Variants in NYAP1 observed in about 807,000 individuals in gnomAD.
The protein encoded by NYAP1 is neuronal tyrosine-phosphorylated phosphoinositide-3-kinase adapter 1.
NYAP1 carries 20 observed loss-of-function variants against 58.6 expected under a neutral mutation model. The observed-to-expected ratio is 0.34, with a 90% CI of 0.24 to 0.50. NYAP1 has a LOEUF of 0.50. NYAP1 is among the 20% of genes least tolerant of loss of function. The pLI is 0.98. For missense variants in NYAP1, 1,150 were observed against 1,194.5 expected, an observed-to-expected ratio of 0.96 and a Z score of 0.55; for synonymous variants, 572 against 523.1, an observed-to-expected ratio of 1.09 and a Z score of -1.27.
rs1383033722 is a variant in NYAP1, at chr7:100,486,970, C to T, written c.218C>T (p.Pro73Leu). ...MPASQEHTPH[P>L]CRSAMAPRSL... ...GCCTCCCAGGAGCACACCCCGCACCCCTGCCGCAGCGCCATGGCCCCACGC... is the reference window on the plus strand; with the variant it reads ...GCCTCCCAGGAGCACACCCCGCACCTCTGCCGCAGCGCCATGGCCCCACGC... Residue 73 changes from proline (P) to leucine (L), a missense_variant, in exon 3 of 7, where the codon CCC (proline) becomes CTC (leucine). By Grantham distance (98) the Pro-to-Leu change is moderately conservative. Transcript: ENST00000300179. The surrounding 1 kb of genome is among the most constrained non-coding windows in gnomAD (Gnocchi z 6.2). The T allele has an allele frequency of 6.2e-7, 1 of 1,607,120 alleles. No homozygotes were observed. The highest frequency in any genetic ancestry group is 1.3e-5 in the African/African-American group (1 of 74,892).
At position 100,485,179 on chromosome 7, in the gene NYAP1, C is replaced by T; in HGVS notation, c.-84-49C>T. ...CTCTTTCATTCATCCCTGGCCCCCACCCATCCCACCTTTCTTTTTTTTCCG... is the reference window on the plus strand; with the variant it reads ...CTCTTTCATTCATCCCTGGCCCCCATCCATCCCACCTTTCTTTTTTTTCCG... On this transcript the variant is annotated intron_variant, in intron 1 of 6. Coordinates refer to ENST00000300179, the MANE Select transcript of NYAP1 (RefSeq NM_173564.4). The surrounding 1 kb of genome is among the most constrained non-coding windows in gnomAD (Gnocchi z 5.7). 2 of 611,982 alleles carry T rather than the reference C, an allele frequency of 3.3e-6. No individual in the cohort carries two copies. Among genetic ancestry groups the T allele is most frequent in the Non-Finnish European group, 6.0e-6 (2 of 336,038 alleles). 37.9% of individuals were successfully genotyped at this position (611,982 alleles called of 1,614,324 possible).
rs367729037 is a variant in NYAP1 at position 100,485,415 on chromosome 7, G to C, written c.68+36G>C. 1.4e-5 allele frequency: 21 copies of C among 1,514,918 alleles called. No individual in the cohort carries two copies. In the East Asian group the frequency reaches 1.4e-4, roughly 10 times the overall value. The allele number at this position is 1,514,918 out of a possible 1,614,324, so 93.8% of individuals were successfully genotyped here. ...ACCCCAGACTGCTCCCTTCCCTTCC[G>C]CACCTCTGCCTGCCCCCTCACTGGG... is the stretch of plus-strand genomic sequence containing the variant. On this transcript the variant is annotated intron_variant, in intron 2 of 6. Transcript: ENST00000300179. The surrounding 1 kb of genome is among the most constrained non-coding windows in gnomAD (Gnocchi z 5.7).
Position 100,493,973 on chromosome 7 carries a change from T to A in NYAP1, c.*70T>A. Reference sequence around the variant, plus strand: ...GGCACGCCTGGCTCTCCCGGGAGCCTCGCCTTGAGAGACATTGAAAGACTA... The same window carrying A: ...GGCACGCCTGGCTCTCCCGGGAGCCACGCCTTGAGAGACATTGAAAGACTA... On this transcript the variant is annotated 3_prime_UTR_variant, in exon 7 of 7. Transcript: ENST00000300179. The A allele has an allele frequency of 1.6e-6, 2 of 1,287,026 alleles. No individual in the cohort carries two copies. Among genetic ancestry groups the A allele is most frequent in the Non-Finnish European group, 2.0e-6 (2 of 979,438 alleles). The allele number at this position is 1,287,026 out of a possible 1,614,324, so 79.7% of individuals were successfully genotyped here. A position where few individuals can be genotyped will look rare whatever the true frequency, so the allele number is the denominator to read the frequency against.
At chr7:100,491,994 C>G (rs1799801924) in intron 6 of NYAP1, among the ~76,000 whole-genome samples, 1 of 152,122 alleles carries the variant, frequency 6.6e-6, no homozygotes, top group African/African-American at 2.4e-5. Flanking sequence ...TTGCAGTAAG[C>G]CAAGATCGCA....
In NYAP1 at chr7:100,493,725, T is replaced by C; in HGVS notation, c.2348T>C (p.Ile783Thr). ...RERDGKLLEVIERKRCVCKEI... is the reference protein window; with the variant it reads ...RERDGKLLEVTERKRCVCKEI... ...CGTGACGGGAAGCTGCTGGAGGTGA[T>C]CGAGCGCAAGCGCTGCGTGTGCAAG... Residue 783 changes from isoleucine to threonine, a missense_variant, in exon 7 of 7, where the codon ATC becomes ACC. Ile to Thr is a moderately conservative substitution (Grantham distance 89). Transcript: ENST00000300179. The C allele has an allele frequency of 6.2e-7, 1 of 1,602,498 alleles. No individual in the cohort carries two copies. The highest frequency in any genetic ancestry group is 8.5e-7 in the Non-Finnish European group (1 of 1,177,524).
chr7:100,485,462 G>A lies in NYAP1; in HGVS notation c.68+83G>A, dbSNP rs182682610. On this transcript the variant is annotated intron_variant, in intron 2 of 6. Transcript: ENST00000300179. This position sits in a 1 kb window ranked among gnomAD's most constrained non-coding sequence, Gnocchi z 5.7. ...TGGGCCACAGCCCTTCTCGGGGGCC[G>A]GCAGCCTTGTCATGAGTGAGCTCTC... 1.3e-3 allele frequency: 1,427 copies of A among 1,084,796 alleles called. 10 individuals are homozygous for A. The African/African-American group carries it at 0.019, about 14-fold the overall frequency. The allele number at this position is 1,084,796 out of a possible 1,614,324, so 67.2% of individuals were successfully genotyped here. A position where few individuals can be genotyped will look rare whatever the true frequency, so the allele number is the denominator to read the frequency against.
In NYAP1 at chr7:100,488,956, C is replaced by T. The variant is rs1045240951; in HGVS notation, c.1235C>T (p.Pro412Leu). 1 of 1,573,778 alleles carries T rather than the reference C, an allele frequency of 6.4e-7. No individual in the cohort carries two copies. Among genetic ancestry groups the T allele is most frequent in the Non-Finnish European group, 8.6e-7 (1 of 1,167,200 alleles). Reference protein sequence around the residue: ...RARSHSTPLPPQGSGQPRGER... With the variant: ...RARSHSTPLPLQGSGQPRGER... ...CGGAGCCACTCGACACCGTTGCCAC[C>T]CCAGGGCTCTGGCCAGCCCCGGGGG... Residue 412 changes from proline (P) to leucine (L), a missense_variant, in exon 4 of 7, where the codon CCC (proline) becomes CTC (leucine). Pro to Leu is a moderately conservative substitution (Grantham distance 98). Coordinates refer to ENST00000300179, the MANE Select transcript of NYAP1 (RefSeq NM_173564.4). This position sits in a 1 kb window ranked among gnomAD's most constrained non-coding sequence, Gnocchi z 5.9.
In NYAP1 at chr7:100,493,729, G is replaced by C. The variant is rs773113773; in HGVS notation, c.2352G>C (p.Glu784Asp). 6.2e-7 allele frequency: 1 copy of C among 1,603,352 alleles called. No homozygotes were observed. The highest frequency in any genetic ancestry group is 8.5e-7 in the Non-Finnish European group (1 of 1,177,852). ...ACGGGAAGCTGCTGGAGGTGATCGA[G>C]CGCAAGCGCTGCGTGTGCAAGGAGA... ...ERDGKLLEVI[E>D]RKRCVCKEIK... The change falls in exon 7 of 7, where the codon GAG (glutamate) becomes GAC (aspartate). Residue 784 changes from glutamate (E) to aspartate (D), a missense_variant. Transcript: ENST00000300179.
chr7:100,488,918 A>G lies in NYAP1; in HGVS notation c.1197A>G (p.Pro399=), dbSNP rs1799746567. ...CTGCCAACCTGCTGCTGCTGGGACC[A>G]TCGGGCCGGGCCCGGAGCCACTCGA... ...PPAANLLLLG[P]SGRARSHSTP... The change falls in exon 4 of 7, where the codon CCA becomes CCG. Residue 399 remains proline (P), a synonymous_variant. Transcript: ENST00000300179. The surrounding 1 kb of genome is among the most constrained non-coding windows in gnomAD (Gnocchi z 5.9). 6.3e-7 allele frequency: 1 copy of G among 1,587,026 alleles called. No individual in the cohort carries two copies. The highest frequency in any genetic ancestry group is 8.5e-7 in the Non-Finnish European group (1 of 1,171,400).
At position 100,488,950 on chromosome 7, in the gene NYAP1, T is replaced by C; in HGVS notation, c.1229T>C (p.Leu410Ser). The change falls in exon 4 of 7, where the codon TTG becomes TCG. Residue 410 changes from leucine (L) to serine (S), a missense_variant. Leu to Ser is a moderately radical substitution (Grantham distance 145). Transcript: ENST00000300179. The surrounding 1 kb of genome is among the most constrained non-coding windows in gnomAD (Gnocchi z 5.9). ...SGRARSHSTP[L>S]PPQGSGQPRG... ...CGGGCCCGGAGCCACTCGACACCGT[T>C]GCCACCCCAGGGCTCTGGCCAGCCC... The C allele has an allele frequency of 6.4e-7, 1 of 1,571,382 alleles. No individual in the cohort carries two copies. Among genetic ancestry groups the C allele is most frequent in the South Asian group, 1.2e-5 (1 of 86,214 alleles).
chr7:100,490,483 T>A lies in NYAP1; in HGVS notation c.1946-34T>A. The A allele has an allele frequency of 6.5e-7, 1 of 1,549,904 alleles. No homozygotes were observed. Among genetic ancestry groups the A allele is most frequent in the Non-Finnish European group, 8.7e-7 (1 of 1,142,994 alleles). ...GAGGGACAGAATGACGCCTCCAACA[T>A]GCAGGCACACAGCTCTCCTTGTCAT... On this transcript the variant is annotated intron_variant, in intron 4 of 6. Coordinates refer to ENST00000300179, the MANE Select transcript of NYAP1 (RefSeq NM_173564.4). The surrounding 1 kb of genome is among the most constrained non-coding windows in gnomAD (Gnocchi z 4.6).
In NYAP1 at chr7:100,487,195, C is replaced by G. The variant is rs765800967; in HGVS notation, c.430+13C>G. On this transcript the variant is annotated intron_variant, in intron 3 of 6. Transcript: ENST00000300179. This position sits in a 1 kb window ranked among gnomAD's most constrained non-coding sequence, Gnocchi z 4.1. ...AGCAAGAAAGCAGGTGAGATACCCC[C>G]TATCTCTCCCTGGGGTGGAGCTGGG... The G allele has an allele frequency of 1.3e-5, 19 of 1,481,128 alleles. No individual in the cohort carries two copies. Among genetic ancestry groups the G allele is most frequent in the Non-Finnish European group, 1.6e-5 (18 of 1,116,904 alleles). 91.7% of individuals were successfully genotyped at this position (1,481,128 alleles called of 1,614,324 possible).
In NYAP1 at chr7:100,491,142, G is replaced by A. The variant is rs369944179; in HGVS notation, c.2268+47G>A. On this transcript the variant is annotated intron_variant, in intron 6 of 6. Coordinates refer to ENST00000300179, the MANE Select transcript of NYAP1 (RefSeq NM_173564.4). ...ATTTGTGAAGGAGCAGGTGGAGAAG[G>A]CTTGAATATGCAAAGAAAAGCAATA... The A allele has an allele frequency of 6.5e-5, 79 of 1,216,352 alleles. No homozygotes were observed. The Middle Eastern group carries it at 7.6e-4, about 12-fold the overall frequency. The allele number at this position is 1,216,352 out of a possible 1,614,324, so 75.3% of individuals were successfully genotyped here.
rs1205108866 is a variant in NYAP1 at position 100,490,186 on chromosome 7, G to T, written c.1946-331G>T. 6.6e-6 allele frequency among the ~76,000 whole-genome samples: 1 copy of T among 152,158 alleles called. No homozygotes were observed. The highest frequency in any genetic ancestry group is 2.4e-5 in the African/African-American group (1 of 41,422). Reference sequence around the variant, plus strand: ...CTCCCCCTACAGGTCTTGATCCCAGGGGGATGGTCATTCTCGCCCTATCTG... The same window carrying T: ...CTCCCCCTACAGGTCTTGATCCCAGTGGGATGGTCATTCTCGCCCTATCTG... On this transcript the variant is annotated intron_variant, in intron 4 of 6. Transcript: ENST00000300179. This position sits in a 1 kb window ranked among gnomAD's most constrained non-coding sequence, Gnocchi z 4.6.
chr7:100,484,744 T>A (rs1045742893), intron 1 of NYAP1, among the ~76,000 whole-genome samples: 3 of 152,072 alleles, frequency 2.0e-5, no homozygotes, highest in Non-Finnish European at 4.4e-5. Context: ...TGTGTCCAGT[T>A]CTGTGTAGCA....
At position 100,489,130 on chromosome 7, in the gene NYAP1, C is replaced by T; in HGVS notation, c.1409C>T (p.Thr470Ile). ...YTMVYSAVKV[T>I]THSVLPAGPP... ...ATGGTGTACTCGGCGGTCAAGGTGA[C>T]CACGCACTCTGTCCTGCCAGCTGGT... Residue 470 changes from threonine to isoleucine, a missense_variant, in exon 4 of 7, where the codon ACC becomes ATC. Coordinates refer to ENST00000300179, the MANE Select transcript of NYAP1 (RefSeq NM_173564.4). 1 of 1,603,392 alleles carries T rather than the reference C, an allele frequency of 6.2e-7. No individual in the cohort carries two copies. Among genetic ancestry groups the T allele is most frequent in the Non-Finnish European group, 8.5e-7 (1 of 1,175,648 alleles).
chr7:100,494,464 C>T lies in NYAP1; in HGVS notation c.*561C>T, dbSNP rs1490085867. ...TGCCTAAAGGCCCCGCCGTCCATGCCACCCCACAGCCAAGGAGGGGTCTGC... is the reference window on the plus strand; with the variant it reads ...TGCCTAAAGGCCCCGCCGTCCATGCTACCCCACAGCCAAGGAGGGGTCTGC... On this transcript the variant is annotated 3_prime_UTR_variant, in exon 7 of 7. Transcript: ENST00000300179. 2.6e-5 allele frequency: 4 copies of T among 152,468 alleles called. No homozygotes were observed. Among genetic ancestry groups the T allele is most frequent in the African/African-American group, 7.3e-5 (3 of 41,326 alleles). The allele number at this position is 152,468 out of a possible 1,614,324, so 9.4% of individuals were successfully genotyped here.
Position 100,488,125 on chromosome 7 carries a change from T to G in NYAP1, c.431-27T>G. On this transcript the variant is annotated intron_variant, in intron 3 of 6. Coordinates refer to ENST00000300179, the MANE Select transcript of NYAP1 (RefSeq NM_173564.4). The surrounding 1 kb of genome is among the most constrained non-coding windows in gnomAD (Gnocchi z 5.9). Reference sequence around the variant, plus strand: ...TGCTCCCCTCATTAAAAGCCTGGTTTATTTTTCTCTTTCTTGTCCTGTCCA... The same window carrying G: ...TGCTCCCCTCATTAAAAGCCTGGTTGATTTTTCTCTTTCTTGTCCTGTCCA... 6.6e-7 allele frequency: 1 copy of G among 1,526,254 alleles called. No individual in the cohort carries two copies. Among genetic ancestry groups the G allele is most frequent in the Non-Finnish European group, 8.8e-7 (1 of 1,137,202 alleles). The allele number at this position is 1,526,254 out of a possible 1,614,324, so 94.5% of individuals were successfully genotyped here. A position where few individuals can be genotyped will look rare whatever the true frequency, so the allele number is the denominator to read the frequency against.
chr7:100,488,251 A>G lies in NYAP1; in HGVS notation c.530A>G (p.Asp177Gly). The G allele has an allele frequency of 6.2e-7, 1 of 1,613,884 alleles. No individual in the cohort carries two copies. Among genetic ancestry groups the G allele is most frequent in the Non-Finnish European group, 8.5e-7 (1 of 1,179,906 alleles). Residue 177 changes from aspartate (D) to glycine (G), a missense_variant, in exon 4 of 7, where the codon GAT becomes GGT. Coordinates refer to ENST00000300179, the MANE Select transcript of NYAP1 (RefSeq NM_173564.4). The surrounding 1 kb of genome is among the most constrained non-coding windows in gnomAD (Gnocchi z 5.9). The part of the protein sequence containing the change: ...SPNTQLSVSF[D>G]ESCPPGPSPR... ...AACACCCAGCTCTCTGTCTCCTTCGATGAGTCCTGCCCCCCAGGCCCCTCT... is the reference window on the plus strand; with the variant it reads ...AACACCCAGCTCTCTGTCTCCTTCGGTGAGTCCTGCCCCCCAGGCCCCTCT...
Sources: allele counts gnomAD v4.1 joint callset (sites outside exome capture counted in the v4.1 genomes callset), GRCh38; gene constraint gnomAD v4.1.1; non-coding constraint Gnocchi (gnomAD v3.1); transcripts MANE v1.5; gene names NCBI Gene and HGNC (gene_info 2026-07-23, HGNC 2026-07-21).